EPHA6: variants seen among roughly 807,000 people sequenced by gnomAD.
EPHA6 encodes ephrin type-A receptor 6.
In EPHA6, 50 loss-of-function variants were observed where a neutral mutation model predicts 112.0. The observed-to-expected ratio is 0.45, with a 90% confidence interval of 0.36 to 0.56. The LOEUF is 0.56. Among genes scored for constraint, EPHA6 ranks in the 20% least tolerant of loss-of-function variants. The pLI is 0.00. For synonymous variants in EPHA6, 529 were observed against 490.7 expected (o/e 1.08, Z -1.03); for missense variants, 1,280 against 1,417.4 (o/e 0.90, Z 1.56).
At chr3:96,816,915 A>C (rs1266376058) in intron 1 of EPHA6, among the ~76,000 whole-genome samples, 2 of 151,642 alleles carry the variant, frequency 1.3e-5, no homozygotes, top group African/African-American at 4.9e-5. Context: ...TAGTATTTAC[A>C]GATGTTTGAC....
intron 2 of EPHA6, among the ~76,000 whole-genome samples, chr3:96,947,160 G>C (rs1462362103): frequency 1.3e-5 from 2 of 151,474 alleles, no homozygotes; most frequent in Non-Finnish European, 2.9e-5. Flanking sequence ...AGTTTCTTTT[G>C]CTGTGCAGAA....
rs181627730 is a variant in EPHA6 at position 97,303,521 on chromosome 3, G to A, written c.1606+59234G>A. Reference sequence around the variant, plus strand: ...AATTATGGAGGTTGAGAAGTCCCACGACAGGCTGTCTACAAGCTGGACACC... The same window carrying A: ...AATTATGGAGGTTGAGAAGTCCCACAACAGGCTGTCTACAAGCTGGACACC... On this transcript the variant is annotated intron_variant, in intron 5 of 17. Transcript: ENST00000389672. 1.4e-3 allele frequency among the ~76,000 whole-genome samples: 220 copies of A among 152,116 alleles called. 1 individual carries two copies. The highest frequency in any genetic ancestry group is 2.5e-4 in the Non-Finnish European group (17 of 67,968).
At chr3:97,735,871 C>T in intron 15 of EPHA6, 54 bp from the exon 16 acceptor site, 1 of 1,313,296 alleles carries the variant, frequency 7.6e-7, no homozygotes, top group Non-Finnish European at 1.0e-6. Context: ...GAAATTATAG[C>T]ATATGTATTA....
At chr3:97,491,232 A>G (rs997066734) in intron 10 of EPHA6, among the ~76,000 whole-genome samples, 1 of 152,228 alleles carries the variant, frequency 6.6e-6, no homozygotes, top group Non-Finnish European at 1.5e-5. Flanking sequence ...AGGCCATCTT[A>G]AAAGTTTGCC....
chr3:97,600,568 T>A (rs946884261), intron 12 of EPHA6, among the ~76,000 whole-genome samples: 1 of 152,112 alleles, frequency 6.6e-6, no homozygotes. Context: ...ACTCAGCCAT[T>A]ATTTAACCTT....
chr3:97,317,915 G>T (rs1379066664), intron 5 of EPHA6, among the ~76,000 whole-genome samples: 1 of 151,972 alleles, frequency 6.6e-6, no homozygotes, highest in African/African-American at 2.4e-5. Flanking sequence ...GTGGAAAGGG[G>T]ACTAGAGGAT....
intron 4 of EPHA6, among the ~76,000 whole-genome samples, chr3:97,229,753 A>G (rs533207024): frequency 3.2e-4 from 48 of 152,254 alleles, no homozygotes; most frequent in African/African-American, 1.1e-3. Context: ...TTTATGGAAC[A>G]CATTTAATAA....
At chr3:97,500,716 C>T (rs567138260) in intron 10 of EPHA6, among the ~76,000 whole-genome samples, 1 of 152,208 alleles carries the variant, frequency 6.6e-6, no homozygotes, top group African/African-American at 2.4e-5. Flanking sequence ...TGACAGCTAT[C>T]TTCTGGATAT....
rs1014269971 is a variant in EPHA6 at position 97,340,017 on chromosome 3, A to G, written c.1607-65133A>G. Among the ~76,000 whole-genome samples the G allele has an allele frequency of 9.9e-5, 15 of 152,276 alleles. No homozygotes were observed. In the Middle Eastern group the frequency reaches 0.01, roughly 104 times the overall value. ...TTGCCAGAGGGCTTGGGATATATGA[A>G]AAACAGTGATAACCTAAATATTTTT... On this transcript the variant is annotated intron_variant, in intron 5 of 17. Transcript: ENST00000389672.
chr3:96,893,904 A>C (rs966766441), intron 2 of EPHA6, among the ~76,000 whole-genome samples: 29 of 152,212 alleles, frequency 1.9e-4, no homozygotes, highest in African/African-American at 6.5e-4. Context: ...TAAGTCTATG[A>C]ATGCTGATGT....
intron 1 of EPHA6, among the ~76,000 whole-genome samples, chr3:96,847,672 T>A (rs1165117739): frequency 6.6e-6 from 1 of 152,118 alleles, no homozygotes; most frequent in Non-Finnish European, 1.5e-5. Flanking sequence ...AAGAAGTTAT[T>A]TTTGCTAACT....
At chr3:97,637,282 T>C (rs933731840) in intron 13 of EPHA6, among the ~76,000 whole-genome samples, 4 of 152,166 alleles carry the variant, frequency 2.6e-5, no homozygotes, top group Non-Finnish European at 5.9e-5. Flanking sequence ...GTCTTCCCTG[T>C]ATAATGAAAA....
At chr3:97,218,946 G>A (rs547155037) in intron 3 of EPHA6, among the ~76,000 whole-genome samples, 2 of 152,172 alleles carry the variant, frequency 1.3e-5, no homozygotes, top group South Asian at 4.1e-4. Flanking sequence ...AAATTGACCA[G>A]AACAAAAGGG....
intron 5 of EPHA6, among the ~76,000 whole-genome samples, chr3:97,366,959 A>G (rs1265923650): frequency 6.6e-6 from 1 of 152,188 alleles, no homozygotes; most frequent in Non-Finnish European, 1.5e-5. Context: ...ACACGTATTG[A>G]TTCATTGAAT....
chr3:97,668,806 G>T (rs1043338749), intron 14 of EPHA6, among the ~76,000 whole-genome samples: 1 of 150,404 alleles, frequency 6.6e-6, no homozygotes, highest in East Asian at 2.0e-4. Context: ...CCCAGCTCTC[G>T]GGAGGCTGAG....
chr3:96,819,483 A>G (rs2033080930), intron 1 of EPHA6, among the ~76,000 whole-genome samples: 1 of 152,020 alleles, frequency 6.6e-6, no homozygotes, highest in African/African-American at 2.4e-5. Flanking sequence ...TTCTGACTGC[A>G]TGCTCCATTT....
rs1160884096 is a variant in EPHA6 at position 97,299,112 on chromosome 3, A to G, written c.1606+54825A>G. ...AATGTTTCTGGATTTATAATGATAT[A>G]GTCTACCAAACTTCAGTTTCTCTTA... On this transcript the variant is annotated intron_variant, in intron 5 of 17. Coordinates refer to ENST00000389672, the MANE Select transcript of EPHA6 (RefSeq NM_001080448.3). Among the ~76,000 whole-genome samples the G allele has an allele frequency of 7.2e-5, 11 of 152,174 alleles. No homozygotes were observed. The East Asian group carries it at 2.1e-3, about 29-fold the overall frequency.
intron 7 of EPHA6, among the ~76,000 whole-genome samples, chr3:97,451,258 G>A (rs772696994): frequency 1.2e-4 from 18 of 151,904 alleles, no homozygotes; most frequent in Non-Finnish European, 2.1e-4. Flanking sequence ...ACCCTATGCT[G>A]AGCAATTTAC....
chr3:97,416,318 A>G (rs925677997), intron 6 of EPHA6, among the ~76,000 whole-genome samples: 4 of 152,090 alleles, frequency 2.6e-5, no homozygotes, highest in African/African-American at 9.7e-5. Context: ...GGCAATCTAA[A>G]GTTATATTAG....
Sources: allele counts gnomAD v4.1 joint callset (sites outside exome capture counted in the v4.1 genomes callset), GRCh38; gene constraint gnomAD v4.1.1; transcripts MANE v1.5; gene names NCBI Gene and HGNC (gene_info 2026-07-23, HGNC 2026-07-21).